The following BAG5 variants were observed in gnomAD, a reference collection of about 807,000 sequenced individuals.
BAG5 encodes BAG cochaperone 5.
BAG5 carries 25 observed loss-of-function variants against 31.8 expected under a neutral mutation model. The observed-to-expected ratio is 0.79, with a 90% CI of 0.57 to 1.10. BAG5 has a LOEUF of 1.10. Ranked by LOEUF, BAG5 falls within the 50% of genes least tolerant of loss-of-function variation. The pLI is 0.00. For missense variants in BAG5, 491 were observed against 527.9 expected, an observed-to-expected ratio of 0.93 and a Z score of 0.68; for synonymous variants, 208 against 205.0, an observed-to-expected ratio of 1.01 and a Z score of -0.13.
chr14:103,560,246 T>C lies in BAG5; in HGVS notation c.919A>G (p.Lys307Glu). The change falls in exon 2 of 2, where the codon AAA becomes GAA. Residue 307 changes from lysine (K) to glutamate (E), a missense_variant. Coordinates refer to ENST00000299204, the MANE Select transcript of BAG5 (RefSeq NM_001015048.3). ...QNPSELYLSSKTELQGLIGQL... is the reference protein window; with the variant it reads ...QNPSELYLSSETELQGLIGQL... ...CCAATTAAACCCTGCAATTCTGTTTTGGAGCTCAGGTACAATTCAGAAGGG... is the reference window on the plus strand; with the variant it reads ...CCAATTAAACCCTGCAATTCTGTTTCGGAGCTCAGGTACAATTCAGAAGGG... The C allele has an allele frequency of 6.2e-7, 1 of 1,614,224 alleles. No individual in the cohort carries two copies. The highest frequency in any genetic ancestry group is 2.2e-5 in the East Asian group (1 of 44,892).
intron 1 of BAG5, chr14:103,562,174 C>G (rs913796854): frequency 9.7e-6 from 6 of 617,940 alleles, no homozygotes; most frequent in Non-Finnish European, 1.7e-5. Flanking sequence ...CAGCCCTTTA[C>G]GGGGTGCGGC....
rs2076054744 is a variant in BAG5 at position 103,559,221 on chromosome 14, T to C, written c.*600A>G. The C allele has an allele frequency of 6.6e-6, 1 of 152,206 alleles. No homozygotes were observed. Among genetic ancestry groups the C allele is most frequent in the Non-Finnish European group, 1.5e-5 (1 of 68,048 alleles). The allele number at this position is 152,206 out of a possible 1,614,324, so 9.4% of individuals were successfully genotyped here. ...TGCACACAAAAACAAGATTCCTCTC[T>C]AAAACGTAGAGGATGGGGAAAATGC... On this transcript the variant is annotated 3_prime_UTR_variant, in exon 2 of 2. Coordinates refer to ENST00000299204, the MANE Select transcript of BAG5 (RefSeq NM_001015048.3).
At chr14:103,562,051 G>C (rs774609803) in intron 1 of BAG5, 1 of 1,335,738 alleles carries the variant, frequency 7.5e-7, no homozygotes, top group Non-Finnish European at 1.1e-6. Context: ...GAGGGAAGGC[G>C]GCCCGAGCTG....
rs911610105 is a variant in BAG5 at position 103,560,828 on chromosome 14, A to C, written c.337T>G (p.Tyr113Asp). ...SLVREKIVPF[Y>D]NGGNCVTDEF... ...TCAGTTACGCAGTTGCCTCCATTAT[A>C]AAATGGCACAATTTTCTCTCTCACG... Residue 113 changes from tyrosine (Y) to aspartate (D), a missense_variant, in exon 2 of 2, where the codon TAT becomes GAT. Transcript: ENST00000299204. 4 of 1,613,916 alleles carry C rather than the reference A, an allele frequency of 2.5e-6. No homozygotes were observed. Among genetic ancestry groups the C allele is most frequent in the Non-Finnish European group, 3.4e-6 (4 of 1,180,028 alleles).
At position 103,560,318 on chromosome 14, in the gene BAG5, G is replaced by A. The variant is rs780114319; in HGVS notation, c.847C>T (p.Leu283Phe). ...NHSILKIEKV[L>F]KRMREIKNEL... is the part of the protein sequence containing the mutation. ...TTTTTTATTTCTCTCATTCTCTTGAGGACCTTTTCTATTTTTAAAATGGAA... is the reference window on the plus strand; with the variant it reads ...TTTTTTATTTCTCTCATTCTCTTGAAGACCTTTTCTATTTTTAAAATGGAA... Residue 283 changes from leucine to phenylalanine, a missense_variant, in exon 2 of 2, where the codon CTC (leucine) becomes TTC (phenylalanine). Leu to Phe is a conservative substitution (Grantham distance 22, BLOSUM62 0). Transcript: ENST00000299204. The A allele has an allele frequency of 3.7e-6, 6 of 1,613,918 alleles. No individual in the cohort carries two copies. Among genetic ancestry groups the A allele is most frequent in the Admixed American group, 3.3e-5 (2 of 59,982 alleles).
At chr14:103,562,285 G>A (rs1174146403) in intron 1 of BAG5, 2 of 441,256 alleles carry the variant, frequency 4.5e-6, no homozygotes, top group South Asian at 2.4e-5. Flanking sequence ...CAGCCGCTCC[G>A]GGCGTCTTGG....
Position 103,560,663 on chromosome 14 carries a change from T to C in BAG5, c.502A>G (p.Lys168Glu), listed in dbSNP as rs777921086. Residue 168 changes from lysine to glutamate, a missense_variant, in exon 2 of 2, where the codon AAA becomes GAA. Transcript: ENST00000299204. ...GAAAGCGGCAGGGAAGGCTGCTTTT[T>C]CATGCAGTCTTCGATTATCTCTTGC... Reference protein sequence around the residue: ...AVQEIIEDCMKKQPSLPLSED... With the variant: ...AVQEIIEDCMEKQPSLPLSED... 6.2e-7 allele frequency: 1 copy of C among 1,614,072 alleles called. No homozygotes were observed. The highest frequency in any genetic ancestry group is 1.3e-5 in the African/African-American group (1 of 74,928).
In BAG5 at chr14:103,557,340, G is replaced by A. The variant is rs879938113; in HGVS notation, c.*2481C>T. ...TTCATTGCAGGAGTAGAATAATCCG[G>A]TACAAGGAACGAGAACAGATTGAAA... is the stretch of plus-strand genomic sequence containing the variant. On this transcript the variant is annotated 3_prime_UTR_variant, in exon 2 of 2. Coordinates refer to ENST00000299204, the MANE Select transcript of BAG5 (RefSeq NM_001015048.3). 1.3e-5 allele frequency: 2 copies of A among 152,208 alleles called. No homozygotes were observed. Among genetic ancestry groups the A allele is most frequent in the Non-Finnish European group, 2.9e-5 (2 of 68,044 alleles). 9.4% of individuals were successfully genotyped at this position (152,208 alleles called of 1,614,324 possible).
rs1469937627 is a variant in BAG5, at chr14:103,560,413, T to G, written c.752A>C (p.Lys251Thr). Reference sequence around the variant, plus strand: ...TTCCAAATCCAGATATTTCAATAATTTGTTGATATCTTCTACTACCTCCCT... The same window carrying G: ...TTCCAAATCCAGATATTTCAATAATGTGTTGATATCTTCTACTACCTCCCT... ...YRREVVEDIN[K>T]LLKYLDLEEE... The change falls in exon 2 of 2, where the codon AAA (lysine) becomes ACA (threonine). Residue 251 changes from lysine to threonine, a missense_variant. Coordinates refer to ENST00000299204, the MANE Select transcript of BAG5 (RefSeq NM_001015048.3). 1.2e-6 allele frequency: 2 copies of G among 1,614,182 alleles called. No individual in the cohort carries two copies. The highest frequency in any genetic ancestry group is 3.3e-5 in the Admixed American group (2 of 60,024).
Position 103,559,744 on chromosome 14 carries a change from C to A in BAG5, c.*77G>T. The A allele has an allele frequency of 6.7e-7, 1 of 1,493,958 alleles. No homozygotes were observed. The highest frequency in any genetic ancestry group is 1.3e-5 in the South Asian group (1 of 77,698). 92.5% of individuals were successfully genotyped at this position (1,493,958 alleles called of 1,614,324 possible). A position where few individuals can be genotyped will look rare whatever the true frequency, so the allele number is the denominator to read the frequency against. The stretch of plus-strand genomic sequence containing the variant: ...GAGACTGAAATATGCACGTATAAAT[C>A]AATGAACTGAAAGCTCTCTATACAT... On this transcript the variant is annotated 3_prime_UTR_variant, in exon 2 of 2. Coordinates refer to ENST00000299204, the MANE Select transcript of BAG5 (RefSeq NM_001015048.3).
rs759647800 is a variant in BAG5, at chr14:103,559,697, A to G, written c.*124T>C. 84 of 1,171,456 alleles carry G rather than the reference A, an allele frequency of 7.2e-5. No individual in the cohort carries two copies. Among genetic ancestry groups the G allele is most frequent in the Non-Finnish European group, 9.2e-5 (77 of 839,778 alleles). 72.6% of individuals were successfully genotyped at this position (1,171,456 alleles called of 1,614,324 possible). ...TCAAAAGCAGCAGATACTGAATAGAATTTGCTTCAATCATAAATACTGAGA... is the reference window on the plus strand; with the variant it reads ...TCAAAAGCAGCAGATACTGAATAGAGTTTGCTTCAATCATAAATACTGAGA... On this transcript the variant is annotated 3_prime_UTR_variant, in exon 2 of 2. Transcript: ENST00000299204.
chr14:103,557,512 A>G lies in BAG5; in HGVS notation c.*2309T>C, dbSNP rs1404166557. 4 of 152,208 alleles carry G rather than the reference A, an allele frequency of 2.6e-5. No individual in the cohort carries two copies. The highest frequency in any genetic ancestry group is 5.9e-5 in the Non-Finnish European group (4 of 68,038). 9.4% of individuals were successfully genotyped at this position (152,208 alleles called of 1,614,324 possible). On this transcript the variant is annotated 3_prime_UTR_variant, in exon 2 of 2. Transcript: ENST00000299204. The stretch of plus-strand genomic sequence containing the variant: ...ATGCCCACAGCTTGGCAAAAGGTAC[A>G]CAAACACTTGTTTGAAAAGAATGAC...
At position 103,560,718 on chromosome 14, in the gene BAG5, C is replaced by A. The variant is rs1007050187; in HGVS notation, c.447G>T (p.Arg149Ser). 7 of 1,614,010 alleles carry A rather than the reference C, an allele frequency of 4.3e-6. No homozygotes were observed. In the Admixed American group the frequency reaches 6.7e-5, roughly 15 times the overall value. The change falls in exon 2 of 2, where the codon AGG (arginine) becomes AGT (serine). Residue 149 changes from arginine (R) to serine (S), a missense_variant. Transcript: ENST00000299204. ...TGGKISLRKA[R>S]YHTLTKICAV... ...CACAGATTTTGGTTAAAGTGTGATA[C>A]CTTGCTTTCCGCAAGGAGATTTTTC...
chr14:103,558,408 C>G lies in BAG5; in HGVS notation c.*1413G>C, dbSNP rs149017246. The G allele has an allele frequency of 2.0e-5, 3 of 152,180 alleles. No individual in the cohort carries two copies. Among genetic ancestry groups the G allele is most frequent in the Non-Finnish European group, 4.4e-5 (3 of 68,032 alleles). The allele number at this position is 152,180 out of a possible 1,614,324, so 9.4% of individuals were successfully genotyped here. A position where few individuals can be genotyped will look rare whatever the true frequency, so the allele number is the denominator to read the frequency against. On this transcript the variant is annotated 3_prime_UTR_variant, in exon 2 of 2. Coordinates refer to ENST00000299204, the MANE Select transcript of BAG5 (RefSeq NM_001015048.3). The stretch of plus-strand genomic sequence containing the variant: ...GAGCATCTCTGAAAGAGAATATTAC[C>G]CTGGATTTCCAAAGATGTACTCTAA...
rs761663464 is a variant in BAG5 at position 103,560,627 on chromosome 14, G to A, written c.538C>T (p.His180Tyr). The change falls in exon 2 of 2, where the codon CAT (histidine) becomes TAT (tyrosine). Residue 180 changes from histidine (H) to tyrosine (Y), a missense_variant. Coordinates refer to ENST00000299204, the MANE Select transcript of BAG5 (RefSeq NM_001015048.3). The part of the protein sequence containing the change: ...QPSLPLSEDA[H>Y]PSVAKINFVM... ...AAGTTGATTTTGGCAACGGAAGGAT[G>A]TGCATCCTCGGAAAGCGGCAGGGAA... is the stretch of plus-strand genomic sequence containing the variant. 4 of 1,614,192 alleles carry A rather than the reference G, an allele frequency of 2.5e-6. No individual in the cohort carries two copies. The highest frequency in any genetic ancestry group is 4.5e-5 in the East Asian group (2 of 44,886).
rs2076052880 is a variant in BAG5 at position 103,558,848 on chromosome 14, G to A, written c.*973C>T. ...CCTCACGTTGTAAAACAGCACCGGG[G>A]AGGTGTGACAAGGCTGTCCATTTTA... On this transcript the variant is annotated 3_prime_UTR_variant, in exon 2 of 2. Transcript: ENST00000299204. The A allele has an allele frequency of 6.6e-6, 1 of 152,198 alleles. No individual in the cohort carries two copies. Among genetic ancestry groups the A allele is most frequent in the Non-Finnish European group, 1.5e-5 (1 of 68,036 alleles). 9.4% of individuals were successfully genotyped at this position (152,198 alleles called of 1,614,324 possible).
chr14:103,561,943 C>G, intron 1 of BAG5: 4 of 1,613,654 alleles, frequency 2.5e-6, no homozygotes, highest in Non-Finnish European at 2.5e-6. Context: ...TGGCCTAATG[C>G]ACGTTTCAAG....
At position 103,558,376 on chromosome 14, in the gene BAG5, A is replaced by G. The variant is rs1396975775; in HGVS notation, c.*1445T>C. 6.6e-6 allele frequency: 1 copy of G among 152,248 alleles called. No homozygotes were observed. The highest frequency in any genetic ancestry group is 1.5e-5 in the Non-Finnish European group (1 of 68,052). The allele number at this position is 152,248 out of a possible 1,614,324, so 9.4% of individuals were successfully genotyped here. ...AGTGACTATCTCCCTACACAGAGTT[A>G]CACAATGAGCATCTCTGAAAGAGAA... On this transcript the variant is annotated 3_prime_UTR_variant, in exon 2 of 2. Coordinates refer to ENST00000299204, the MANE Select transcript of BAG5 (RefSeq NM_001015048.3).
In BAG5 at chr14:103,557,004, C is replaced by T. The variant is rs907830583; in HGVS notation, c.*2817G>A. On this transcript the variant is annotated 3_prime_UTR_variant, in exon 2 of 2. Coordinates refer to ENST00000299204, the MANE Select transcript of BAG5 (RefSeq NM_001015048.3). ...TTCATTACATTTATTTTAATAACTA[C>T]TTCATTATAGGCTGACTGGCTTTCC... 3 of 152,186 alleles carry T rather than the reference C, an allele frequency of 2.0e-5. No homozygotes were observed. Among genetic ancestry groups the T allele is most frequent in the Admixed American group, 2.0e-4 (3 of 15,284 alleles). The allele number at this position is 152,186 out of a possible 1,614,324, so 9.4% of individuals were successfully genotyped here.
Sources: allele counts gnomAD v4.1 joint callset, GRCh38; gene constraint gnomAD v4.1.1; transcripts MANE v1.5; gene names NCBI Gene and HGNC (gene_info 2026-07-23, HGNC 2026-07-21).